Variants in CLVS1 observed in about 807,000 individuals in gnomAD.
CLVS1 encodes clavesin 1.
Under a neutral mutation model 33.1 loss-of-function variants are expected in CLVS1, and 10 were observed. That is an observed-to-expected ratio of 0.30 (90% CI 0.19 to 0.51). The LOEUF is 0.51. Among genes scored for constraint, CLVS1 ranks in the 20% least tolerant of loss-of-function variants. The pLI, the probability that CLVS1 is intolerant of heterozygous loss-of-function variation, is 0.97. For synonymous variants in CLVS1, 163 were observed against 166.1 expected (o/e 0.98, Z 0.14); for missense variants, 343 against 433.4 (o/e 0.79, Z 1.85).
intron 2 of CLVS1, among the ~76,000 whole-genome samples, chr8:61,307,522 C>A (rs1401478092): frequency 2.0e-5 from 3 of 151,716 alleles, no homozygotes; most frequent in Admixed American, 6.6e-5. Flanking sequence ...AGGGATAGGG[C>A]AAAATTTAAG....
At chr8:61,278,187 A>G (rs180770257) in intron 2 of CLVS1, among the ~76,000 whole-genome samples, 109 of 152,322 alleles carry the variant, frequency 7.2e-4, no homozygotes, top group African/African-American at 2.2e-3. Context: ...ACAGTCCTTC[A>G]TATTTCAGGA....
At chr8:61,165,598 G>T (rs550468065) in intron 2 of CLVS1, among the ~76,000 whole-genome samples, 4 of 152,318 alleles carry the variant, frequency 2.6e-5, no homozygotes, top group Admixed American at 1.3e-4. Flanking sequence ...TAGGCTTAGG[G>T]ATTCTTAGTC....
chr8:61,170,615 G>A (rs1196294799), intron 2 of CLVS1, among the ~76,000 whole-genome samples: 1 of 152,082 alleles, frequency 6.6e-6, no homozygotes, highest in Non-Finnish European at 1.5e-5. Flanking sequence ...CATATTTCCT[G>A]AATAACCCTG....
At chr8:61,181,517 T>C (rs916622148) in intron 2 of CLVS1, among the ~76,000 whole-genome samples, 2 of 152,050 alleles carry the variant, frequency 1.3e-5, no homozygotes, top group African/African-American at 2.4e-5. Flanking sequence ...AGAACCTGTA[T>C]AGCCAAGACA....
chr8:61,357,394 A>G (rs1178760887), intron 2 of CLVS1, among the ~76,000 whole-genome samples: 1 of 151,266 alleles, frequency 6.6e-6, no homozygotes, highest in Non-Finnish European at 1.5e-5. Flanking sequence ...AATGATGACA[A>G]TTGTTGAATC....
At chr8:60,998,753 T>C in the CLVS1 span, among the ~76,000 whole-genome samples, 2 of 152,176 alleles carry the variant, frequency 1.3e-5, no homozygotes, top group Admixed American at 1.3e-4. Flanking sequence ...GTATTTGTAT[T>C]TGTATTTTTT....
At chr8:61,464,724 T>A (rs1450885884) in intron 5 of CLVS1, 5 of 151,790 alleles carry the variant, frequency 3.3e-5, no homozygotes, top group African/African-American at 1.2e-4. Context: ...ACACTTCATT[T>A]TCCCCACCAT....
At chr8:61,389,637 A>T (rs555272077) in intron 3 of CLVS1, among the ~76,000 whole-genome samples, 1 of 152,356 alleles carries the variant, frequency 6.6e-6, no homozygotes, top group Admixed American at 6.5e-5. Flanking sequence ...GACTGAGGCC[A>T]TTTAGAGTCA....
chr8:61,134,796 A>G lies in CLVS1; in HGVS notation c.-152+2936A>G, dbSNP rs140900966. On this transcript the variant is annotated intron_variant, in intron 2 of 2. Transcript: ENST00000522621. ...CTCCCCATCTCAGGCTAGTTGATGC[A>G]CAGCCTTAATTTCATTAGCTACCTT... Among the ~76,000 whole-genome samples, 495 of 152,266 alleles carry G rather than the reference A, an allele frequency of 3.3e-3. 3 individuals carry two copies. The highest frequency in any genetic ancestry group is 0.01 in the African/African-American group (436 of 41,552).
Position 61,483,507 on chromosome 8 carries a change from A to G in CLVS1, c.978-15948A>G, listed in dbSNP as rs145910214. On this transcript the variant is annotated intron_variant, in intron 5 of 5. Coordinates refer to ENST00000325897, the MANE Select transcript of CLVS1 (RefSeq NM_173519.3). The stretch of plus-strand genomic sequence containing the variant: ...GACGGATTCACAGCTGAATTCTACC[A>G]GAGGTACAAAGAGGAGCTGGTACCA... Among the ~76,000 whole-genome samples the G allele has an allele frequency of 7.9e-3, 1,200 of 152,376 alleles. 20 individuals are homozygous for G. Among genetic ancestry groups the G allele is most frequent in the African/African-American group, 0.028 (1,145 of 41,582 alleles).
chr8:61,443,192 A>T, intron 3 of CLVS1, among the ~76,000 whole-genome samples: 1 of 152,180 alleles, frequency 6.6e-6, no homozygotes, highest in Non-Finnish European at 1.5e-5. Context: ...TTTTGCTTTC[A>T]TCTACTTCGC....
chr8:61,316,348 C>A (rs1462175642), intron 2 of CLVS1, among the ~76,000 whole-genome samples: 1 of 152,186 alleles, frequency 6.6e-6, no homozygotes, highest in East Asian at 1.9e-4. Flanking sequence ...TAGACACGTG[C>A]ATTTGGTGGA....
intron 1 of CLVS1, among the ~76,000 whole-genome samples, chr8:61,069,408 T>TCTTC (rs35758644): frequency 1.8e-4 from 27 of 151,560 alleles, no homozygotes; most frequent in South Asian, 6.3e-4. Flanking sequence ...TTTCTCTCTC[T>TCTTC]CTTCCTTCCT....
chr8:61,425,163 C>T (rs1425456225), intron 3 of CLVS1, among the ~76,000 whole-genome samples: 1 of 152,174 alleles, frequency 6.6e-6, no homozygotes, highest in Non-Finnish European at 1.5e-5. Flanking sequence ...CCAGATGAAC[C>T]TGTAGCCCAT....
the CLVS1 span, among the ~76,000 whole-genome samples, chr8:60,973,821 G>A: frequency 1.1e-4 from 16 of 152,172 alleles, no homozygotes; most frequent in African/African-American, 3.1e-4. Flanking sequence ...GCTGCTGATC[G>A]CCAGTTTCAG....
rs376533567 is a variant in CLVS1, at chr8:61,169,456, GA to G, written c.-152+37604del. Reference sequence around the variant, plus strand: ...TAGCCAGAAAATAATCAACTGCCAGGAAAAAAAAGATCAAAAGTCATTGTCT... The same window carrying G: ...TAGCCAGAAAATAATCAACTGCCAGGAAAAAAAGATCAAAAGTCATTGTCT... On this transcript the variant is annotated intron_variant, in intron 2 of 2. Transcript: ENST00000522621. Among the ~76,000 whole-genome samples the G allele has an allele frequency of 3.8e-3, 574 of 151,634 alleles. 3 individuals carry two copies. The highest frequency in any genetic ancestry group is 0.013 in the African/African-American group (542 of 41,344).
intron 2 of CLVS1, among the ~76,000 whole-genome samples, chr8:61,324,743 T>C (rs1563496459): frequency 6.6e-6 from 1 of 152,122 alleles, no homozygotes; most frequent in Non-Finnish European, 1.5e-5. Flanking sequence ...AGATGAGGAA[T>C]GGATATTGCT....
In CLVS1 at chr8:61,183,671, G is replaced by A. The variant is rs114046429; in HGVS notation, c.-152+51811G>A. Among the ~76,000 whole-genome samples the A allele has an allele frequency of 6.0e-3, 918 of 152,226 alleles. 12 individuals are homozygous for A. The highest frequency in any genetic ancestry group is 0.021 in the African/African-American group (855 of 41,542). ...AAGGAAGAAGCCTCAGGCAGAATCA[G>A]ACCTTCAGAAATAAGGATGTTTTCT... is the stretch of plus-strand genomic sequence containing the variant. On this transcript the variant is annotated intron_variant, in intron 2 of 2. Coordinates refer to the CLVS1 transcript ENST00000522621.
chr8:61,324,049 G>A lies in CLVS1; in HGVS notation c.455+23767G>A, dbSNP rs142667685. 1.2e-3 allele frequency among the ~76,000 whole-genome samples: 188 copies of A among 152,178 alleles called. 3 individuals carry two copies. The East Asian group carries it at 0.035, about 28-fold the overall frequency. On this transcript the variant is annotated intron_variant, in intron 2 of 5. Transcript: ENST00000325897. Reference sequence around the variant, plus strand: ...TTCTTCATCCAGTCTATCATTGATTGGCATTTAGGTTGATTCTATTTCTTT... The same window carrying A: ...TTCTTCATCCAGTCTATCATTGATTAGCATTTAGGTTGATTCTATTTCTTT...
Sources: allele counts gnomAD v4.1 joint callset (sites outside exome capture counted in the v4.1 genomes callset), GRCh38; gene constraint gnomAD v4.1.1; transcripts MANE v1.5; gene names NCBI Gene and HGNC (gene_info 2026-07-23, HGNC 2026-07-21).